CACNA2D3: variants seen among roughly 807,000 people sequenced by gnomAD.
The protein encoded by CACNA2D3 is voltage-dependent calcium channel subunit alpha-2/delta-3.
Under a neutral mutation model 160.6 loss-of-function variants are expected in CACNA2D3, and 60 were observed. The ratio of observed to expected loss-of-function variants is 0.37; its 90% CI spans 0.30 to 0.46. CACNA2D3 has a LOEUF of 0.46. Among genes scored for constraint, CACNA2D3 ranks in the 20% least tolerant of loss-of-function variants. The probability of loss-of-function intolerance (pLI) is 1.00; values close to 1 mark genes in which losing one functional copy is unlikely to be tolerated. For synonymous variants in CACNA2D3, 558 were observed against 492.9 expected (o/e 1.13, Z -1.75); for missense variants, 1,205 against 1,365.0 (o/e 0.88, Z 1.85).
At chr3:54,953,151 A>G (rs934094967) in intron 27 of CACNA2D3, among the ~76,000 whole-genome samples, 1 of 152,174 alleles carries the variant, frequency 6.6e-6, no homozygotes, top group Non-Finnish European at 1.5e-5. Context: ...AATATTTACT[A>G]TGTGCCTGGC....
chr3:54,351,274 G>T lies in CACNA2D3; in HGVS notation c.321+30716G>T, dbSNP rs138769606. Among the ~76,000 whole-genome samples the T allele has an allele frequency of 1.5e-4, 23 of 152,030 alleles. 1 individual carries two copies. The highest frequency in any genetic ancestry group is 6.8e-3 in the Middle Eastern group (2 of 294). ...TGGGATTACAGGCATGAGCTACCGC[G>T]CCCGGCCTTGAGTCTGATTTTTAAA... is the stretch of plus-strand genomic sequence containing the variant. On this transcript the variant is annotated intron_variant, in intron 3 of 37. Transcript: ENST00000474759.
Position 54,992,512 on chromosome 3 carries a change from G to T in CACNA2D3, c.2690+4759G>T, listed in dbSNP as rs78691923. Among the ~76,000 whole-genome samples, 766 of 152,216 alleles carry T rather than the reference G, an allele frequency of 5.0e-3. 7 individuals carry two copies. Among genetic ancestry groups the T allele is most frequent in the African/African-American group, 0.017 (727 of 41,548 alleles). ...ATCATATCACAAAGTGAGAGCTCCT[G>T]GCGGTCCTCTCTGATCCACAACTTC... is the stretch of plus-strand genomic sequence containing the variant. On this transcript the variant is annotated intron_variant, in intron 31 of 37. Transcript: ENST00000474759.
At chr3:54,913,134 G>T (rs535682172) in intron 27 of CACNA2D3, among the ~76,000 whole-genome samples, 1 of 152,206 alleles carries the variant, frequency 6.6e-6, no homozygotes, top group East Asian at 1.9e-4. Context: ...ACTCAGACTG[G>T]AGTGCAGTGA....
intron 4 of CACNA2D3, among the ~76,000 whole-genome samples, chr3:54,390,029 G>A (rs1438284562): frequency 1.3e-5 from 2 of 152,192 alleles, no homozygotes; most frequent in Non-Finnish European, 2.9e-5. Context: ...GCGGGAGAGA[G>A]TGAGAAACAT....
chr3:54,731,489 C>T (rs1701385347), intron 11 of CACNA2D3, among the ~76,000 whole-genome samples: 1 of 152,152 alleles, frequency 6.6e-6, no homozygotes, highest in African/African-American at 2.4e-5. Context: ...TGTAAGCATG[C>T]TTTTCCAGGT....
intron 4 of CACNA2D3, among the ~76,000 whole-genome samples, chr3:54,456,728 C>A (rs1299626047): frequency 6.6e-6 from 1 of 151,854 alleles, no homozygotes; most frequent in Non-Finnish European, 1.5e-5. Context: ...CCACTCGGTC[C>A]CGGGCTTTTC....
chr3:54,542,505 A>C lies in CACNA2D3; in HGVS notation c.545-20295A>C, dbSNP rs187422956. Among the ~76,000 whole-genome samples the C allele has an allele frequency of 4.7e-3, 710 of 152,328 alleles. 6 individuals are homozygous for C. Among genetic ancestry groups the C allele is most frequent in the Non-Finnish European group, 7.6e-3 (516 of 68,020 alleles). ...TCACAAGTAGGGAAGCCAACAGTGC[A>C]GTCTTCAGTCTGTAGCCAAAGGCCC... is the stretch of plus-strand genomic sequence containing the variant. On this transcript the variant is annotated intron_variant, in intron 5 of 37. Coordinates refer to ENST00000474759, the MANE Select transcript of CACNA2D3 (RefSeq NM_018398.3).
Position 54,710,359 on chromosome 3 carries a change from A to T in CACNA2D3, c.1168-42240A>T, listed in dbSNP as rs540291198. 2.6e-5 allele frequency among the ~76,000 whole-genome samples: 4 copies of T among 152,358 alleles called. No homozygotes were observed. The South Asian group carries it at 8.3e-4, about 32-fold the overall frequency. On this transcript the variant is annotated intron_variant, in intron 11 of 37. Transcript: ENST00000474759. The stretch of plus-strand genomic sequence containing the variant: ...AATGACTTAACAAAAATGAAGATTT[A>T]TTTCTTCTCACATTCCAATATGATG...
chr3:54,871,506 T>TTTTTC, intron 17 of CACNA2D3, 33 bp from the exon 18 acceptor site: 1 of 1,561,458 alleles, frequency 6.4e-7, no homozygotes, highest in Non-Finnish European at 8.8e-7. Flanking sequence ...CGGACTTTTG[T>TTTTTC]TTTTCTTTTC....
chr3:54,740,977 C>T lies in CACNA2D3; in HGVS notation c.1168-11622C>T, dbSNP rs76168996. On this transcript the variant is annotated intron_variant, in intron 11 of 37. Transcript: ENST00000474759. Reference sequence around the variant, plus strand: ...AGAGGGGACACTGTCCAGAGGCATGCGGCTTCTTACTGTGGGGCTTTGGCC... The same window carrying T: ...AGAGGGGACACTGTCCAGAGGCATGTGGCTTCTTACTGTGGGGCTTTGGCC... 5.1e-3 allele frequency among the ~76,000 whole-genome samples: 778 copies of T among 152,250 alleles called. 7 individuals are homozygous for T. The highest frequency in any genetic ancestry group is 0.015 in the African/African-American group (637 of 41,548).
At chr3:54,146,786 T>C (rs1700038179) in intron 2 of CACNA2D3, among the ~76,000 whole-genome samples, 2 of 152,198 alleles carry the variant, frequency 1.3e-5, no homozygotes, top group Admixed American at 1.3e-4. Flanking sequence ...CGTTGGCTCC[T>C]GGGCCCTGTT....
At chr3:54,837,026 C>T (rs1239812919) in intron 14 of CACNA2D3, 133 bp from the exon 15 acceptor site, 22 of 747,582 alleles carry the variant, frequency 2.9e-5, no homozygotes, top group Non-Finnish European at 4.7e-5. Context: ...CCGCGCTCCA[C>T]TAAAGGCTTG....
chr3:54,358,334 T>C (rs1698683861), intron 3 of CACNA2D3, among the ~76,000 whole-genome samples: 1 of 152,254 alleles, frequency 6.6e-6, no homozygotes, highest in African/African-American at 2.4e-5. Flanking sequence ...TTCATCCAGT[T>C]GTTTCTTTGT....
intron 31 of CACNA2D3, among the ~76,000 whole-genome samples, chr3:54,990,036 T>C (rs1361705489): frequency 6.6e-6 from 1 of 152,194 alleles, no homozygotes; most frequent in Non-Finnish European, 1.5e-5. Context: ...GACAGCACTC[T>C]GGATCAGAAG....
chr3:54,233,740 A>G (rs1216782112), intron 2 of CACNA2D3, among the ~76,000 whole-genome samples: 1 of 152,092 alleles, frequency 6.6e-6, no homozygotes, highest in East Asian at 1.9e-4. Context: ...ATCCCTTCAC[A>G]GGTCGAAGAG....
intron 2 of CACNA2D3, among the ~76,000 whole-genome samples, chr3:54,132,891 C>T (rs1466827032): frequency 6.6e-6 from 1 of 152,142 alleles, no homozygotes; most frequent in Non-Finnish European, 1.5e-5. Context: ...CACAATGGTA[C>T]TAACTTCTAG....
intron 4 of CACNA2D3, among the ~76,000 whole-genome samples, chr3:54,474,877 A>G (rs960980867): frequency 6.6e-6 from 1 of 152,152 alleles, no homozygotes; most frequent in Admixed American, 6.5e-5. Flanking sequence ...ATTTGGTTGA[A>G]GCTTTGAGAT....
At chr3:54,628,399 A>G (rs1184330859) in intron 10 of CACNA2D3, among the ~76,000 whole-genome samples, 1 of 152,204 alleles carries the variant, frequency 6.6e-6, no homozygotes, top group Non-Finnish European at 1.5e-5. Flanking sequence ...ATGCTAGGGA[A>G]TGAGACCATG....
At chr3:54,954,316 TTGTC>T (rs1000995076) in intron 27 of CACNA2D3, among the ~76,000 whole-genome samples, 3 of 152,088 alleles carry the variant, frequency 2.0e-5, no homozygotes, top group African/African-American at 7.2e-5. Flanking sequence ...CCCCACTGAG[TTGTC>T]TGTCTGTGGC....
Sources: gnomAD v4.1 joint callset for allele counts (sites outside exome capture counted in the v4.1 genomes callset) on GRCh38, gnomAD v4.1.1 for gene constraint, MANE v1.5 for transcripts, NCBI Gene and HGNC (gene_info 2026-07-23, HGNC 2026-07-21) for gene names.